The following ARHGAP20 variants were observed in gnomAD, a reference collection of about 807,000 sequenced individuals.
ARHGAP20 encodes rho GTPase-activating protein 20.
Under a neutral mutation model 73.7 loss-of-function variants are expected in ARHGAP20, and 34 were observed. The ratio of observed to expected loss-of-function variants is 0.46; its 90% CI spans 0.35 to 0.61. The LOEUF is 0.61. Ranked by LOEUF, ARHGAP20 falls within the 20% of genes least tolerant of loss-of-function variation. The pLI is 0.00. For synonymous variants in ARHGAP20, 523 were observed against 518.2 expected, an observed-to-expected ratio of 1.01 and a Z score of -0.13; for missense variants, 1,314 against 1,420.9, an observed-to-expected ratio of 0.92 and a Z score of 1.21.
At chr11:110,581,324 T>G in intron 14 of ARHGAP20, 99 bp from the exon 15 acceptor site, 1 of 1,236,996 alleles carries the variant, frequency 8.1e-7, no homozygotes, top group East Asian at 2.5e-5. Flanking sequence ...AGTGTTCAAA[T>G]TCCTACTCTC....
intron 9 of ARHGAP20, 100 bp downstream of exon 9, chr11:110,606,461 A>T (rs1355875085): frequency 7.7e-7 from 1 of 1,294,994 alleles, no homozygotes; most frequent in Non-Finnish European, 1.1e-6. Flanking sequence ...ATACTTAGCA[A>T]ATTCCAAGAA....
In ARHGAP20 at chr11:110,606,627, G is replaced by A. The variant is rs1948237154; in HGVS notation, c.898C>T (p.Pro300Ser). The change falls in exon 9 of 15, where the codon CCC becomes TCC. Residue 300 changes from proline to serine, a missense_variant. Around this residue, in one of 3 missense-constraint regions of ARHGAP20, gnomAD observed 443 missense variants for 466.4 expected, o/e 0.95. Transcript: ENST00000683387. ...LQEPFLMEQL[P>S]REMQCQFILK... ...ATGAACTGGCACTGCATCTCTCGGG[G>A]GAGCTGTTCCATAAGGAAGGGCTCC... 1 of 1,612,704 alleles carries A rather than the reference G, an allele frequency of 6.2e-7. No homozygotes were observed.
chr11:110,611,149 T>C (rs1948357758), intron 7 of ARHGAP20, among the ~76,000 whole-genome samples, 160 bp downstream of exon 7: 1 of 152,150 alleles, frequency 6.6e-6, no homozygotes, highest in African/African-American at 2.4e-5. Context: ...ATATTAATCA[T>C]ATTAAAGCTT....
intron 2 of ARHGAP20, among the ~76,000 whole-genome samples, chr11:110,658,389 C>G (rs1949520975): frequency 6.6e-6 from 1 of 152,164 alleles, no homozygotes; most frequent in Non-Finnish European, 1.5e-5. Context: ...AAACATTTGT[C>G]TCCCTGTGGC....
chr11:110,603,050 C>A (rs1476252288), intron 9 of ARHGAP20, among the ~76,000 whole-genome samples: 1 of 152,096 alleles, frequency 6.6e-6, no homozygotes, highest in African/African-American at 2.4e-5. Context: ...TAAGATTATT[C>A]ATTGTATTGT....
chr11:110,693,545 A>C (rs573104067), intron 1 of ARHGAP20, among the ~76,000 whole-genome samples: 2 of 152,084 alleles, frequency 1.3e-5, no homozygotes, highest in South Asian at 2.1e-4. Flanking sequence ...AAGGTCTTAC[A>C]AGCAGCCAAT....
Position 110,592,070 on chromosome 11 carries a change from C to A in ARHGAP20, c.1050G>T (p.Leu350Phe). Residue 350 changes from leucine (L) to phenylalanine (F), a missense_variant, in exon 10 of 15, where the codon TTG (leucine) becomes TTT (phenylalanine). Physicochemically the swap from Leu to Phe is conservative, Grantham distance 22. Around this residue, in one of 3 missense-constraint regions of ARHGAP20, gnomAD observed 443 missense variants for 466.4 expected, o/e 0.95. Transcript: ENST00000683387. ...WRGSSTHLDN[L>F]PSSPTSPMPG... is the part of the protein sequence containing the mutation. Reference sequence around the variant, plus strand: ...GCATAGGTGATGTTGGCGATGAGGGCAAGTTGTCCAGGTGAGTGCTAGAAC... The same window carrying A: ...GCATAGGTGATGTTGGCGATGAGGGAAAGTTGTCCAGGTGAGTGCTAGAAC... 1 of 1,614,138 alleles carries A rather than the reference C, an allele frequency of 6.2e-7. No homozygotes were observed. Among genetic ancestry groups the A allele is most frequent in the African/African-American group, 1.3e-5 (1 of 75,052 alleles).
intron 12 of ARHGAP20, 133 bp from the exon 13 acceptor site, chr11:110,583,870 T>C: frequency 1.5e-6 from 1 of 675,254 alleles, no homozygotes; most frequent in Non-Finnish European, 2.3e-6. Context: ...TCAGTTAACA[T>C]GGTACCATAC....
At chr11:110,665,269 A>G (rs1303468446) in intron 2 of ARHGAP20, among the ~76,000 whole-genome samples, 1 of 152,234 alleles carries the variant, frequency 6.6e-6, no homozygotes, top group Non-Finnish European at 1.5e-5. Flanking sequence ...TCTAAAATCA[A>G]TAATCTGAGT....
chr11:110,710,695 TA>T (rs2135164373), intron 1 of ARHGAP20, among the ~76,000 whole-genome samples: 1 of 152,180 alleles, frequency 6.6e-6, no homozygotes, highest in Admixed American at 6.5e-5. Flanking sequence ...CTACAGCCCA[TA>T]CATCATCAAG....
At chr11:110,597,279 T>C (rs2134847799) in intron 9 of ARHGAP20, among the ~76,000 whole-genome samples, 1 of 140,354 alleles carries the variant, frequency 7.1e-6, no homozygotes. Flanking sequence ...CCCTAAAGTA[T>C]AATAATAATA....
At chr11:110,648,228 T>TATATGTAA (rs1565457562) in intron 2 of ARHGAP20, among the ~76,000 whole-genome samples, 1 of 81,814 alleles carries the variant, frequency 1.2e-5, no homozygotes, top group African/African-American at 6.0e-5. Context: ...TATGTATATA[T>TATATGTAA]ATATATATGT....
intron 1 of ARHGAP20, among the ~76,000 whole-genome samples, chr11:110,698,741 T>A (rs1950386161): frequency 6.6e-6 from 1 of 151,976 alleles, no homozygotes; most frequent in Non-Finnish European, 1.5e-5. Flanking sequence ...ATCTTTTGTA[T>A]CTCTATGTTA....
At chr11:110,639,555 A>G (rs1197054837) in intron 2 of ARHGAP20, among the ~76,000 whole-genome samples, 1 of 151,996 alleles carries the variant, frequency 6.6e-6, no homozygotes, top group African/African-American at 2.4e-5. Flanking sequence ...GAAAAACCAT[A>G]TAGGTTTTTC....
chr11:110,604,547 G>A (rs1377496376), intron 9 of ARHGAP20, among the ~76,000 whole-genome samples: 2 of 152,158 alleles, frequency 1.3e-5, no homozygotes, highest in Non-Finnish European at 2.9e-5. Context: ...AGGTAGAAGA[G>A]TAGAAGATTA....
chr11:110,651,769 C>A (rs1419538348), intron 2 of ARHGAP20, among the ~76,000 whole-genome samples: 1 of 151,710 alleles, frequency 6.6e-6, no homozygotes, highest in Non-Finnish European at 1.5e-5. Flanking sequence ...AAATAAAACC[C>A]CAGGACTAGA....
At chr11:110,678,156 G>A (rs1949969327) in intron 2 of ARHGAP20, among the ~76,000 whole-genome samples, 1 of 152,112 alleles carries the variant, frequency 6.6e-6, no homozygotes, top group South Asian at 2.1e-4. Context: ...GTCCAGAAGA[G>A]TCAAAGTTAT....
At chr11:110,628,948 A>T (rs1005290943) in intron 3 of ARHGAP20, among the ~76,000 whole-genome samples, 3 of 152,176 alleles carry the variant, frequency 2.0e-5, no homozygotes, top group Non-Finnish European at 4.4e-5. Context: ...AACAACTTAC[A>T]TGCTAACAGT....
intron 2 of ARHGAP20, among the ~76,000 whole-genome samples, chr11:110,632,352 C>T (rs181730458): frequency 1.3e-5 from 2 of 152,134 alleles, no homozygotes; most frequent in Non-Finnish European, 2.9e-5. Context: ...TTGGTGTTAT[C>T]AATCTTTTGA....
Sources: gnomAD v4.1 joint callset for allele counts (sites outside exome capture counted in the v4.1 genomes callset) on GRCh38, gnomAD v4.1.1 for gene constraint, gnomAD v4.1.1 regional missense constraint, MANE v1.5 for transcripts, NCBI Gene and HGNC (gene_info 2026-07-23, HGNC 2026-07-21) for gene names.